Variants in DOCK2 observed in about 807,000 individuals in gnomAD.
The protein encoded by DOCK2 is dedicator of cytokinesis 2.
A neutral mutation model predicts 248.9 loss-of-function variants in DOCK2; 87 were observed. The ratio of observed to expected loss-of-function variants is 0.35; its 90% CI spans 0.29 to 0.42. The LOEUF is 0.42. Ranked by LOEUF, DOCK2 falls within the 10% of genes least tolerant of loss-of-function variation. DOCK2 has a pLI of 1.00. For missense variants in DOCK2, 1,747 were observed against 2,300.2 expected (o/e 0.76, Z 4.92); for synonymous variants, 805 against 821.6 (o/e 0.98, Z 0.35).
intron 27 of DOCK2, among the ~76,000 whole-genome samples, chr5:169,908,330 G>A (rs1774404646): frequency 6.6e-6 from 1 of 151,916 alleles, no homozygotes; most frequent in Non-Finnish European, 1.5e-5. Context: ...CGATTCTTGT[G>A]TTATTTGCAA....
In DOCK2 at chr5:169,696,943, A is replaced by G. The variant is rs147197581; in HGVS notation, c.979+1005A>G. On this transcript the variant is annotated intron_variant, in intron 10 of 51. Coordinates refer to ENST00000520908, the MANE Select transcript of DOCK2 (RefSeq NM_004946.3). ...AAAATGAAGGACTCATACCTGGTTA[A>G]TTCATGAAATCCTCTACTGCTCTAA... Among the ~76,000 whole-genome samples, 388 of 152,156 alleles carry G rather than the reference A, an allele frequency of 2.6e-3. 4 individuals carry two copies. Among genetic ancestry groups the G allele is most frequent in the African/African-American group, 9.2e-3 (383 of 41,508 alleles).
intron 30 of DOCK2, among the ~76,000 whole-genome samples, chr5:170,002,099 C>CA (rs1351953210): frequency 6.6e-6 from 1 of 151,974 alleles, no homozygotes; most frequent in Non-Finnish European, 1.5e-5. Flanking sequence ...CAAACAAAGA[C>CA]AAAAAACAAA....
intron 26 of DOCK2, among the ~76,000 whole-genome samples, chr5:169,827,417 C>G (rs891258794): frequency 3.3e-5 from 5 of 152,122 alleles, no homozygotes; most frequent in Non-Finnish European, 7.4e-5. Context: ...TTAATGTGCT[C>G]CCAGGAATAC....
chr5:170,054,999 C>T (rs1214185513), intron 41 of DOCK2, among the ~76,000 whole-genome samples: 1 of 152,130 alleles, frequency 6.6e-6, no homozygotes, highest in Non-Finnish European at 1.5e-5. Context: ...GATTTGAGAG[C>T]TATAAATTCA....
At chr5:169,936,911 A>G (rs1776025941) in intron 27 of DOCK2, among the ~76,000 whole-genome samples, 1 of 152,228 alleles carries the variant, frequency 6.6e-6, no homozygotes, top group Non-Finnish European at 1.5e-5. Flanking sequence ...AATAATTCAA[A>G]CATACTTACA....
intron 22 of DOCK2, among the ~76,000 whole-genome samples, chr5:169,734,516 C>G (rs1031911572): frequency 2.0e-4 from 30 of 152,136 alleles, no homozygotes; most frequent in African/African-American, 7.2e-4. Flanking sequence ...CAAAGAAAAT[C>G]AGAGTTTCCT....
intron 19 of DOCK2, 42 bp from the exon 20 acceptor site, chr5:169,716,171 G>A: frequency 6.3e-7 from 1 of 1,575,230 alleles, no homozygotes; most frequent in Non-Finnish European, 8.7e-7. Flanking sequence ...CCTGTACTTT[G>A]TCTTGTTTCT....
chr5:169,917,981 G>A (rs893140812), intron 27 of DOCK2, among the ~76,000 whole-genome samples: 1 of 152,226 alleles, frequency 6.6e-6, no homozygotes, highest in African/African-American at 2.4e-5. Context: ...CTGAGCTAAT[G>A]TGTGTTCTCG....
chr5:169,897,194 C>CT (rs374567890), intron 27 of DOCK2, among the ~76,000 whole-genome samples: 38 of 151,192 alleles, frequency 2.5e-4, no homozygotes, highest in African/African-American at 8.2e-4. Context: ...AATGTGAGCT[C>CT]TTTTTTTTTG....
At chr5:169,790,308 G>A (rs1253735206) in intron 25 of DOCK2, among the ~76,000 whole-genome samples, 1 of 152,108 alleles carries the variant, frequency 6.6e-6, no homozygotes. Flanking sequence ...TTGTGATGGG[G>A]GCAATATAGG....
At chr5:169,802,962 G>C (rs1160029598) in intron 25 of DOCK2, 96 bp from the exon 26 acceptor site, 1 of 1,390,526 alleles carries the variant, frequency 7.2e-7, no homozygotes, top group African/African-American at 1.5e-5. Context: ...ATGTCTTCAT[G>C]AACTATTTAT....
intron 22 of DOCK2, among the ~76,000 whole-genome samples, chr5:169,741,841 G>T (rs994146235): frequency 8.0e-6 from 1 of 124,604 alleles, no homozygotes; most frequent in Non-Finnish European, 1.6e-5. Context: ...ACGGAGTCTC[G>T]CTCTGTCTCC....
chr5:169,995,216 A>G (rs926424981), intron 29 of DOCK2, among the ~76,000 whole-genome samples: 1 of 151,958 alleles, frequency 6.6e-6, no homozygotes. Flanking sequence ...TTTAGTAGAG[A>G]TAGGGTTTCA....
chr5:169,696,513 C>G (rs910362080), intron 10 of DOCK2, among the ~76,000 whole-genome samples: 4 of 152,190 alleles, frequency 2.6e-5, no homozygotes, highest in Non-Finnish European at 5.9e-5. Context: ...GTTTGACTAC[C>G]ACTTGTACTG....
chr5:170,061,405 A>G (rs569435199), intron 44 of DOCK2, among the ~76,000 whole-genome samples: 4 of 152,336 alleles, frequency 2.6e-5, no homozygotes, highest in African/African-American at 7.2e-5. Flanking sequence ...GTGACTTAAC[A>G]TATTGCTGGG....
chr5:169,695,509 T>C, intron 9 of DOCK2: 1 of 288,450 alleles, frequency 3.5e-6, no homozygotes, highest in Non-Finnish European at 6.5e-6. Flanking sequence ...ATCCTGTCTG[T>C]ACAGCTGATA....
chr5:169,972,579 AGATAGATG>A (rs1777552567), intron 27 of DOCK2, among the ~76,000 whole-genome samples: 1 of 53,700 alleles, frequency 1.9e-5, no homozygotes, highest in Non-Finnish European at 4.4e-5. Flanking sequence ...ATAGATAGAT[AGATAGATG>A]ATAGATAGAT....
rs1443279965 is a variant in DOCK2 at position 169,770,512 on chromosome 5, CTGG to C, written c.2554+8889_2554+8891del. 2.6e-5 allele frequency among the ~76,000 whole-genome samples: 4 copies of C among 152,232 alleles called. No individual in the cohort carries two copies. In the East Asian group the frequency reaches 7.7e-4, roughly 29 times the overall value. On this transcript the variant is annotated intron_variant, in intron 25 of 51. Transcript: ENST00000520908. ...ATAGGGTCTCCCTATATTCCCCAGG[CTGG>C]TCTCAGACCCCTGGGCTTAAGTGAT...
chr5:169,886,454 T>A (rs183099434), intron 27 of DOCK2, among the ~76,000 whole-genome samples: 5 of 152,362 alleles, frequency 3.3e-5, no homozygotes, highest in Non-Finnish European at 7.3e-5. Flanking sequence ...CATGACTAAA[T>A]CCTTTCTGCA....
Sources: gnomAD v4.1 joint callset for allele counts (sites outside exome capture counted in the v4.1 genomes callset) on GRCh38, gnomAD v4.1.1 for gene constraint, MANE v1.5 for transcripts, NCBI Gene and HGNC (gene_info 2026-07-23, HGNC 2026-07-21) for gene names.